Variants in SCLT1 observed in about 807,000 individuals in gnomAD.
SCLT1 encodes sodium channel and clathrin linker 1.
SCLT1 carries 78 observed loss-of-function variants against 112.8 expected under a neutral mutation model. That is an observed-to-expected ratio of 0.69 (90% confidence interval 0.58 to 0.83). SCLT1 has a LOEUF of 0.83. Among genes scored for constraint, SCLT1 ranks in the 40% least tolerant of loss-of-function variants. The pLI, the probability that SCLT1 is intolerant of heterozygous loss-of-function variation, is 0.00. For missense variants in SCLT1, 747 were observed against 770.4 expected (o/e 0.97, Z 0.36); for synonymous variants, 257 against 254.7 (o/e 1.01, Z -0.09).
chr4:128,938,972 TCAAA>T (rs1225173473), intron 17 of SCLT1, among the ~76,000 whole-genome samples: 4 of 152,034 alleles, frequency 2.6e-5, no homozygotes, highest in East Asian at 1.9e-4. Flanking sequence ...ACAGAGCTTC[TCAAA>T]CAAACAACAA....
intron 18 of SCLT1, among the ~76,000 whole-genome samples, chr4:128,897,022 T>G (rs1445832119): frequency 6.6e-6 from 1 of 152,144 alleles, no homozygotes; most frequent in Admixed American, 6.5e-5. Flanking sequence ...TATGGGACTA[T>G]GTGAAAAGAC....
intron 5 of SCLT1, among the ~76,000 whole-genome samples, chr4:129,011,235 T>C (rs770831367): frequency 3.9e-5 from 6 of 152,252 alleles, no homozygotes; most frequent in Non-Finnish European, 8.8e-5. Flanking sequence ...GATTTGCATA[T>C]GATGAACCAA....
At chr4:128,901,429 C>A (rs970857592) in intron 18 of SCLT1, among the ~76,000 whole-genome samples, 2 of 151,704 alleles carry the variant, frequency 1.3e-5, no homozygotes, top group Non-Finnish European at 2.9e-5. Flanking sequence ...GGACAAAAAA[C>A]CAAACACCGC....
rs1285645976 is a variant in SCLT1 at position 128,959,599 on chromosome 4, C to T, written c.1047+1G>A. Reference sequence around the variant, plus strand: ...CTAAACATATTTACTAGCTTTCTTACCTGACTTTTTTGAAGGTTAGCTTCT... The same window carrying T: ...CTAAACATATTTACTAGCTTTCTTATCTGACTTTTTTGAAGGTTAGCTTCT... On this transcript the variant is annotated splice_donor_variant, in intron 12 of 20. Coordinates refer to ENST00000281142, the MANE Select transcript of SCLT1 (RefSeq NM_144643.4). LOFTEE classifies it high-confidence loss of function. The T allele has an allele frequency of 1.2e-6, 2 of 1,610,584 alleles. No homozygotes were observed. Among genetic ancestry groups the T allele is most frequent in the South Asian group, 1.1e-5 (1 of 90,950 alleles).
chr4:128,950,412 GC>G (rs1056003295), intron 14 of SCLT1, among the ~76,000 whole-genome samples: 111 of 152,226 alleles, frequency 7.3e-4, no homozygotes, highest in African/African-American at 2.6e-3. Flanking sequence ...CAAAGTTTAA[GC>G]CTTTAGAGAG....
rs1478033244 is a variant in SCLT1 at position 128,998,648 on chromosome 4, C to T, written c.550-709G>A. Among the ~76,000 whole-genome samples, 3 of 151,486 alleles carry T rather than the reference C, an allele frequency of 2.0e-5. No individual in the cohort carries two copies. In the Admixed American group the frequency reaches 2.0e-4, roughly 10 times the overall value. On this transcript the variant is annotated intron_variant, in intron 7 of 20. Coordinates refer to ENST00000281142, the MANE Select transcript of SCLT1 (RefSeq NM_144643.4). ...TGATTGACCTAAATGAGGAAACAGTCCTCAAAGAACTTAATATGAAAAATG... is the reference window on the plus strand; with the variant it reads ...TGATTGACCTAAATGAGGAAACAGTTCTCAAAGAACTTAATATGAAAAATG...
intron 4 of SCLT1, chr4:128,875,045 A>G (rs1423129473): frequency 3.3e-5 from 3 of 89,882 alleles, no homozygotes; most frequent in Admixed American, 1.1e-4. Context: ...AAATCAAATT[A>G]AAGTATATGT....
At chr4:129,000,801 T>C (rs1743409789) in intron 6 of SCLT1, among the ~76,000 whole-genome samples, 1 of 151,986 alleles carries the variant, frequency 6.6e-6, no homozygotes, top group Non-Finnish European at 1.5e-5. Context: ...TGCGCTTATG[T>C]AACCAGCACC....
At chr4:129,027,478 G>T (rs184080962) in intron 5 of SCLT1, among the ~76,000 whole-genome samples, 2 of 152,062 alleles carry the variant, frequency 1.3e-5, no homozygotes, top group Non-Finnish European at 2.9e-5. Flanking sequence ...ATTCAACAAC[G>T]CTTCATGCCA....
Position 128,946,108 on chromosome 4 carries a change from C to A in SCLT1, c.1338G>T (p.Leu446=). The A allele has an allele frequency of 6.2e-7, 1 of 1,609,070 alleles. No homozygotes were observed. The highest frequency in any genetic ancestry group is 8.5e-7 in the Non-Finnish European group (1 of 1,175,856). Residue 446 remains leucine, a synonymous_variant, in exon 16 of 21, where the codon CTG becomes CTT. Coordinates refer to ENST00000281142, the MANE Select transcript of SCLT1 (RefSeq NM_144643.4). The part of the protein sequence containing the change: ...GRGNESDYRK[L]EEMHQRFLVS... ...CCAGGAATCTTTGGTGCATTTCTTC[C>A]AGTTTTCTGTAATCACTCTCATTTC...
chr4:128,919,812 A>G (rs927115662), intron 18 of SCLT1, among the ~76,000 whole-genome samples: 63 of 152,266 alleles, frequency 4.1e-4, no homozygotes, highest in Middle Eastern at 3.4e-3. Context: ...AAATGGATAA[A>G]TTCTTAGAAA....
intron 9 of SCLT1, among the ~76,000 whole-genome samples, chr4:128,979,747 A>G (rs2126049018): frequency 6.6e-6 from 1 of 152,184 alleles, no homozygotes; most frequent in East Asian, 1.9e-4. Context: ...TATAAACATC[A>G]ATTAAAATAT....
At chr4:129,091,653 T>C (rs1561077727) in intron 1 of SCLT1, among the ~76,000 whole-genome samples, 2 of 152,192 alleles carry the variant, frequency 1.3e-5, no homozygotes, top group African/African-American at 2.4e-5. Flanking sequence ...TATAGTGTCA[T>C]TAATTATTTT....
rs565405858 is a variant in SCLT1, at chr4:129,040,909, G to A, written c.235-1813C>T. Among the ~76,000 whole-genome samples the A allele has an allele frequency of 5.3e-5, 8 of 152,194 alleles. No individual in the cohort carries two copies. In the East Asian group the frequency reaches 1.5e-3, roughly 29 times the overall value. On this transcript the variant is annotated intron_variant, in intron 4 of 20. Transcript: ENST00000281142. ...TCAAAGACTCAGGCTTTCTAGCATA[G>A]TTTATTTTTCTCTTGTAATTAATTA...
intron 6 of SCLT1, 106 bp downstream of exon 6, chr4:129,003,635 A>G (rs1049536228): frequency 2.6e-5 from 24 of 914,910 alleles, no homozygotes; most frequent in Non-Finnish European, 3.4e-5. Flanking sequence ...AAAAAATCAT[A>G]ATGTTACAAT....
At chr4:129,000,234 T>G (rs541481382) in intron 6 of SCLT1, among the ~76,000 whole-genome samples, 1 of 152,074 alleles carries the variant, frequency 6.6e-6, no homozygotes, top group African/African-American at 2.4e-5. Context: ...CAGAATCACC[T>G]ATAATTTTAC....
intron 2 of SCLT1, among the ~76,000 whole-genome samples, chr4:129,061,834 G>A (rs1750006116): frequency 6.6e-6 from 1 of 152,106 alleles, no homozygotes; most frequent in African/African-American, 2.4e-5. Flanking sequence ...CCAGAGCAAG[G>A]CACACTCCAA....
At chr4:128,968,716 AT>A (rs945669868) in intron 10 of SCLT1, among the ~76,000 whole-genome samples, 4 of 152,070 alleles carry the variant, frequency 2.6e-5, no homozygotes, top group African/African-American at 9.7e-5. Context: ...TTTTATTTTT[AT>A]TTTTTTAGTT....
chr4:128,908,557 T>C (rs764040200), intron 18 of SCLT1, among the ~76,000 whole-genome samples: 1 of 152,160 alleles, frequency 6.6e-6, no homozygotes, highest in Non-Finnish European at 1.5e-5. Context: ...TGTATATTCA[T>C]GTGTTCATTC....
Sources: gnomAD v4.1 joint callset for allele counts (sites outside exome capture counted in the v4.1 genomes callset) on GRCh38, gnomAD v4.1.1 for gene constraint, MANE v1.5 for transcripts, NCBI Gene and HGNC (gene_info 2026-07-23, HGNC 2026-07-21) for gene names.